DLG1: variants seen among roughly 807,000 people sequenced by gnomAD.
DLG1 encodes disks large homolog 1.
DLG1 carries 42 observed loss-of-function variants against 123.4 expected under a neutral mutation model. The observed-to-expected ratio is 0.34, with a 90% confidence interval of 0.27 to 0.44. DLG1 has a LOEUF of 0.44. DLG1 is among the 20% of genes least tolerant of loss of function. The pLI is 1.00. For missense variants in DLG1, 942 were observed against 1,082.6 expected, an observed-to-expected ratio of 0.87 and a Z score of 1.82; for synonymous variants, 317 against 356.2, an observed-to-expected ratio of 0.89 and a Z score of 1.24.
chr3:197,256,749 A>G (rs1757051977), intron 4 of DLG1, among the ~76,000 whole-genome samples: 1 of 152,204 alleles, frequency 6.6e-6, no homozygotes, highest in African/African-American at 2.4e-5. Context: ...ACACAACCAT[A>G]AGGGATCAAT....
At chr3:197,194,241 CA>C (rs748828350) in intron 5 of DLG1, 183 bp downstream of exon 5, 1 of 354,792 alleles carries the variant, frequency 2.8e-6, no homozygotes, top group Non-Finnish European at 5.0e-6. Flanking sequence ...TTATAAAATA[CA>C]TATTTAAAAA....
chr3:197,296,249 G>C, intron 3 of DLG1, 97 bp downstream of exon 3: 1 of 1,211,364 alleles, frequency 8.3e-7, no homozygotes. Context: ...GAATGCCTCA[G>C]AGAATTAAGT....
At chr3:197,279,759 T>C (rs1768264835) in intron 4 of DLG1, among the ~76,000 whole-genome samples, 1 of 152,224 alleles carries the variant, frequency 6.6e-6, no homozygotes, top group Non-Finnish European at 1.5e-5. Flanking sequence ...TGAAATTCAA[T>C]GCACTACTGA....
intron 14 of DLG1, among the ~76,000 whole-genome samples, chr3:197,093,669 A>G (rs1230217893): frequency 6.6e-6 from 1 of 151,726 alleles, no homozygotes; most frequent in Non-Finnish European, 1.5e-5. Context: ...CTGCTTCATT[A>G]GCAAGCCTGA....
At chr3:197,203,008 A>G in intron 4 of DLG1, among the ~76,000 whole-genome samples, 1 of 152,194 alleles carries the variant, frequency 6.6e-6, no homozygotes, top group East Asian at 1.9e-4. Context: ...ACAGGAGCTC[A>G]TGCCTGTAAT....
intron 3 of DLG1, among the ~76,000 whole-genome samples, chr3:197,287,775 T>C (rs1772563176): frequency 6.6e-6 from 1 of 152,182 alleles, no homozygotes; most frequent in South Asian, 2.1e-4. Context: ...ATTCCATATA[T>C]CAGAGTAGAA....
At chr3:197,086,643 T>C (rs536393927) in intron 15 of DLG1, among the ~76,000 whole-genome samples, 67 of 152,292 alleles carry the variant, frequency 4.4e-4, no homozygotes, top group African/African-American at 1.5e-3. Context: ...GCTAAATAAA[T>C]AAACTAGTAG....
intron 4 of DLG1, among the ~76,000 whole-genome samples, chr3:197,216,934 C>T (rs936606412): frequency 9.9e-5 from 15 of 152,176 alleles, no homozygotes; most frequent in South Asian, 6.2e-4. Context: ...GATAGCAACA[C>T]TGTAGATTAA....
chr3:197,162,896 C>T (rs1462227361), intron 5 of DLG1, among the ~76,000 whole-genome samples: 1 of 152,116 alleles, frequency 6.6e-6, no homozygotes, highest in African/African-American at 2.4e-5. Flanking sequence ...AAGGGCATTA[C>T]CAAGCAAGTG....
At chr3:197,182,556 G>C (rs1229585661) in intron 5 of DLG1, among the ~76,000 whole-genome samples, 1 of 152,086 alleles carries the variant, frequency 6.6e-6, no homozygotes, top group African/African-American at 2.4e-5. Flanking sequence ...GACAGTTATA[G>C]TTTATATTTA....
chr3:197,203,842 A>G (rs999503457), intron 4 of DLG1, among the ~76,000 whole-genome samples: 3 of 152,256 alleles, frequency 2.0e-5, no homozygotes. Context: ...AGCAAGCAGT[A>G]AAAGTGCACA....
intron 4 of DLG1, among the ~76,000 whole-genome samples, chr3:197,275,244 A>G (rs1765859338): frequency 6.6e-6 from 1 of 152,164 alleles, no homozygotes; most frequent in Admixed American, 6.5e-5. Context: ...CTATTATCAA[A>G]AAGACCATAA....
intron 19 of DLG1, chr3:197,068,441 G>GTT: frequency 2.7e-6 from 3 of 1,099,214 alleles, no homozygotes; most frequent in Non-Finnish European, 4.0e-6. Flanking sequence ...AATGAATGAC[G>GTT]GTTAAAAGTA....
chr3:197,298,304 T>C, intron 1 of DLG1: 1 of 388,668 alleles, frequency 2.6e-6, no homozygotes. Context: ...GGGAGCATCC[T>C]AAGGGAACCT....
intron 11 of DLG1, among the ~76,000 whole-genome samples, chr3:197,124,465 G>A (rs1177785583): frequency 6.6e-6 from 1 of 152,034 alleles, no homozygotes; most frequent in Non-Finnish European, 1.5e-5. Context: ...TAGTAGAGAT[G>A]GGGTTTCACT....
intron 5 of DLG1, among the ~76,000 whole-genome samples, chr3:197,178,844 C>T (rs370454644): frequency 6.6e-6 from 1 of 152,062 alleles, no homozygotes; most frequent in Non-Finnish European, 1.5e-5. Flanking sequence ...ACTCACACAA[C>T]GAGGGTTTTT....
intron 5 of DLG1, among the ~76,000 whole-genome samples, chr3:197,178,298 A>T (rs61631954): frequency 0.016 from 2,438 of 152,278 alleles, 68 homozygotes; most frequent in African/African-American, 0.054. Context: ...ATCTTGAATA[A>T]AAAGCCAACA....
chr3:197,222,158 C>T (rs1737454477), intron 4 of DLG1, among the ~76,000 whole-genome samples: 1 of 152,162 alleles, frequency 6.6e-6, no homozygotes, highest in African/African-American at 2.4e-5. Context: ...ATACGAACAG[C>T]TGACTGCAGT....
chr3:197,252,061 G>C (rs1344450809), intron 4 of DLG1, among the ~76,000 whole-genome samples: 1 of 151,960 alleles, frequency 6.6e-6, no homozygotes, highest in African/African-American at 2.4e-5. Flanking sequence ...TATAGTTCTT[G>C]TTCCTTGCTT....
Sources: gnomAD v4.1 joint callset for allele counts (sites outside exome capture counted in the v4.1 genomes callset) on GRCh38, gnomAD v4.1.1 for gene constraint, MANE v1.5 for transcripts, NCBI Gene and HGNC (gene_info 2026-07-23, HGNC 2026-07-21) for gene names.